Variants in SGMS1 observed in about 807,000 individuals in gnomAD.
SGMS1 encodes the protein sphingomyelin synthase 1, also known as phosphatidylcholine:ceramide cholinephosphotransferase 1.
In SGMS1, 13 loss-of-function variants were observed where a neutral mutation model predicts 46.2. That is an observed-to-expected ratio of 0.28 (90% CI 0.18 to 0.45). The LOEUF is 0.45. SGMS1 is among the 20% of genes least tolerant of loss of function. SGMS1 has a pLI of 1.00. For synonymous variants in SGMS1, 203 were observed against 187.8 expected (o/e 1.08, Z -0.66); for missense variants, 324 against 519.9 (o/e 0.62, Z 3.66).
chr10:50,442,198 T>A (rs1204608076), intron 5 of SGMS1, among the ~76,000 whole-genome samples: 2 of 151,604 alleles, frequency 1.3e-5, no homozygotes, highest in Admixed American at 6.6e-5. Flanking sequence ...TTTTTTTTTT[T>A]ACTTTTGAGT....
At chr10:50,337,411 C>T (rs1171306299) in intron 7 of SGMS1, among the ~76,000 whole-genome samples, 1 of 152,090 alleles carries the variant, frequency 6.6e-6, no homozygotes, top group African/African-American at 2.4e-5. Context: ...TCTTCCGGAA[C>T]TCAGAAAATA....
At chr10:50,529,979 T>A (rs770949758) in intron 2 of SGMS1, among the ~76,000 whole-genome samples, 11 of 152,216 alleles carry the variant, frequency 7.2e-5, no homozygotes, top group Admixed American at 6.5e-5. Context: ...TCGTCCAATC[T>A]TCACTATTTC....
intron 4 of SGMS1, among the ~76,000 whole-genome samples, chr10:50,466,015 A>G (rs943653590): frequency 6.6e-6 from 1 of 151,958 alleles, no homozygotes; most frequent in African/African-American, 2.4e-5. Context: ...GAGACAGGAA[A>G]AGTAGGTATG....
At chr10:50,521,849 C>T (rs2092996) in intron 2 of SGMS1, among the ~76,000 whole-genome samples, 78,364 of 151,948 alleles carry the variant, frequency 0.52, 20,547 homozygotes, top group Admixed American at 0.64. Context: ...CTTGGTTATG[C>T]TAATTTTGAT....
chr10:50,417,972 G>A (rs1020633627), intron 6 of SGMS1: 3 of 152,284 alleles, frequency 2.0e-5, no homozygotes, highest in Non-Finnish European at 4.4e-5. Context: ...CTTCGCCGTA[G>A]TAGAATTGGC....
At chr10:50,567,818 G>C (rs1267444328) in intron 2 of SGMS1, among the ~76,000 whole-genome samples, 1 of 152,144 alleles carries the variant, frequency 6.6e-6, no homozygotes, top group Non-Finnish European at 1.5e-5. Flanking sequence ...GGGGAAAAGG[G>C]GGGAAAAGAT....
intron 3 of SGMS1, among the ~76,000 whole-genome samples, chr10:50,500,386 G>A (rs1314489462): frequency 6.6e-6 from 1 of 151,934 alleles, no homozygotes; most frequent in African/African-American, 2.4e-5. Context: ...AAACAATTGG[G>A]AACCTGAAGC....
intron 3 of SGMS1, among the ~76,000 whole-genome samples, chr10:50,489,698 G>A (rs1837551886): frequency 6.6e-6 from 1 of 152,190 alleles, no homozygotes; most frequent in South Asian, 2.1e-4. Flanking sequence ...CATGGTGGCT[G>A]GGCACGGTGG....
intron 6 of SGMS1, among the ~76,000 whole-genome samples, chr10:50,422,980 C>T (rs1413157946): frequency 6.6e-6 from 1 of 152,222 alleles, no homozygotes; most frequent in African/African-American, 2.4e-5. Context: ...GTCTGTCCTG[C>T]TATGCAACTA....
intron 6 of SGMS1, among the ~76,000 whole-genome samples, chr10:50,370,984 A>G (rs1301304625): frequency 2.0e-5 from 3 of 152,196 alleles, no homozygotes; most frequent in Non-Finnish European, 4.4e-5. Flanking sequence ...TAAAATAATG[A>G]TAAAAGGTAC....
chr10:50,517,727 C>T (rs1207343618), intron 3 of SGMS1, among the ~76,000 whole-genome samples: 8 of 151,954 alleles, frequency 5.3e-5, no homozygotes, highest in African/African-American at 1.9e-4. Flanking sequence ...TCTAAATAGA[C>T]ACATTGTAAT....
At chr10:50,594,013 T>A (rs1838567203) in intron 1 of SGMS1, among the ~76,000 whole-genome samples, 1 of 152,210 alleles carries the variant, frequency 6.6e-6, no homozygotes, top group Admixed American at 6.5e-5. Context: ...GTTCAACTCC[T>A]CTAATGCCAA....
At chr10:50,412,302 G>A (rs1221779610) in intron 6 of SGMS1, among the ~76,000 whole-genome samples, 6 of 152,102 alleles carry the variant, frequency 3.9e-5, no homozygotes, top group South Asian at 2.1e-4. Flanking sequence ...CTGAAAAAGC[G>A]CCTCTTCCTA....
intron 6 of SGMS1, among the ~76,000 whole-genome samples, chr10:50,419,149 G>A (rs1454419989): frequency 4.6e-5 from 7 of 151,998 alleles, no homozygotes; most frequent in Non-Finnish European, 8.8e-5. Context: ...TCCACTGGGG[G>A]CTTTGGAACA....
At chr10:50,365,155 G>C (rs1028334940) in intron 6 of SGMS1, among the ~76,000 whole-genome samples, 1 of 150,166 alleles carries the variant, frequency 6.7e-6, no homozygotes, top group African/African-American at 2.5e-5. Flanking sequence ...AGCTACTCAG[G>C]ACGTTGAGAA....
chr10:50,468,534 C>T (rs935222031), intron 3 of SGMS1, among the ~76,000 whole-genome samples: 40 of 152,146 alleles, frequency 2.6e-4, no homozygotes, highest in South Asian at 2.1e-4. Context: ...TTTTCTGACA[C>T]GTTAACTGGT....
intron 6 of SGMS1, among the ~76,000 whole-genome samples, chr10:50,429,146 T>C (rs1419428294): frequency 6.6e-6 from 1 of 152,192 alleles, no homozygotes; most frequent in Admixed American, 6.5e-5. Context: ...TCATTGTAAA[T>C]TGGGGACTGT....
intron 8 of SGMS1, among the ~76,000 whole-genome samples, chr10:50,322,549 G>A (rs115011646): frequency 0.014 from 2,164 of 152,270 alleles, 48 homozygotes; most frequent in African/African-American, 0.049. Flanking sequence ...GATGAGAAGA[G>A]GGGCCGGGCG....
In SGMS1 at chr10:50,343,799, C is replaced by T. The variant is rs754536209; in HGVS notation, c.316G>A (p.Gly106Arg). ...GSFSIKIKPN[G>R]MPNGYRKEMI... is the part of the protein sequence containing the mutation. The stretch of plus-strand genomic sequence containing the variant: ...TCTTTCCTATACCCATTTGGCATCC[C>T]GTTGGGTTTAATCTTGATGCTGAAG... The change falls in exon 7 of 11, where the codon GGG (glycine) becomes AGG (arginine). Residue 106 changes from glycine to arginine, a missense_variant. Around this residue, in one of 2 missense-constraint regions of SGMS1, gnomAD observed 150 missense variants for 169.8 expected, o/e 0.88. Coordinates refer to ENST00000361781, the MANE Select transcript of SGMS1 (RefSeq NM_147156.4). 7 of 1,614,002 alleles carry T rather than the reference C, an allele frequency of 4.3e-6. No individual in the cohort carries two copies. The highest frequency in any genetic ancestry group is 1.1e-5 in the South Asian group (1 of 91,076).
Sources: allele counts gnomAD v4.1 joint callset (sites outside exome capture counted in the v4.1 genomes callset), GRCh38; gene constraint gnomAD v4.1.1; regional missense constraint gnomAD v4.1.1; transcripts MANE v1.5; gene names NCBI Gene and HGNC (gene_info 2026-07-23, HGNC 2026-07-21).